The following CSMD3 variants were observed in gnomAD, a reference collection of about 807,000 sequenced individuals.
CSMD3 encodes the protein CUB and sushi domain-containing protein 3.
In CSMD3, 177 loss-of-function variants were observed where a neutral mutation model predicts 435.2. The observed-to-expected ratio is 0.41, with a 90% CI of 0.36 to 0.46. The LOEUF (loss-of-function observed/expected upper bound fraction) is 0.46, where lower values mean the gene tolerates loss of function less well. Ranked by LOEUF, CSMD3 falls within the 20% of genes least tolerant of loss-of-function variation. The pLI, the probability that CSMD3 is intolerant of heterozygous loss-of-function variation, is 0.34. For missense variants in CSMD3, 4,265 were observed against 4,504.6 expected, an observed-to-expected ratio of 0.95 and a Z score of 1.52; for synonymous variants, 1,656 against 1,520.5, an observed-to-expected ratio of 1.09 and a Z score of -2.07.
chr8:113,434,258 G>C (rs2094692046), intron 1 of CSMD3, among the ~76,000 whole-genome samples: 1 of 152,162 alleles, frequency 6.6e-6, no homozygotes, highest in Non-Finnish European at 1.5e-5. Context: ...CGCTAGTCTA[G>C]ATTAGAACCT....
At chr8:113,263,208 T>C (rs2093441077) in intron 3 of CSMD3, among the ~76,000 whole-genome samples, 1 of 151,990 alleles carries the variant, frequency 6.6e-6, no homozygotes, top group Non-Finnish European at 1.5e-5. Flanking sequence ...GAACCAAAAA[T>C]ATTGATAAGT....
intron 16 of CSMD3, among the ~76,000 whole-genome samples, chr8:112,669,906 G>A (rs2075616876): frequency 6.6e-6 from 1 of 152,072 alleles, no homozygotes; most frequent in Admixed American, 6.6e-5. Context: ...ATTTGCATCT[G>A]AACTGTCAAG....
intron 64 of CSMD3, among the ~76,000 whole-genome samples, chr8:112,245,951 G>A (rs1814685951): frequency 6.6e-6 from 1 of 152,108 alleles, no homozygotes. Flanking sequence ...CTATGTTATG[G>A]ACACATTAGA....
chr8:113,425,085 A>G (rs1436416138), intron 1 of CSMD3, among the ~76,000 whole-genome samples: 2 of 151,544 alleles, frequency 1.3e-5, no homozygotes, highest in Non-Finnish European at 3.0e-5. Context: ...ACTGGTTCTC[A>G]ATAAATAATT....
At chr8:112,270,351 T>TGTGTGTGA (rs1299306311) in intron 59 of CSMD3, among the ~76,000 whole-genome samples, 2 of 58,396 alleles carry the variant, frequency 3.4e-5, no homozygotes, top group Non-Finnish European at 5.9e-5. Flanking sequence ...TGAGTGTGTG[T>TGTGTGTGA]GTGTGTGTGT....
chr8:112,320,995 T>A (rs931169743), intron 45 of CSMD3, among the ~76,000 whole-genome samples: 3 of 152,288 alleles, frequency 2.0e-5, no homozygotes, highest in African/African-American at 7.2e-5. Context: ...ACAAAGTCTC[T>A]ATGAATCCAA....
intron 4 of CSMD3, among the ~76,000 whole-genome samples, chr8:113,139,366 T>C (rs1464926095): frequency 1.3e-5 from 2 of 151,028 alleles, no homozygotes; most frequent in African/African-American, 2.4e-5. Flanking sequence ...TGTAAATATA[T>C]GTACAGAAGA....
chr8:112,506,759 C>G lies in CSMD3; in HGVS notation c.4827G>C (p.Pro1609=), dbSNP rs759561978. The change falls in exon 29 of 71, where the codon CCG becomes CCC. Residue 1609 remains proline (P), a synonymous_variant. Coordinates refer to ENST00000297405, the MANE Select transcript of CSMD3 (RefSeq NM_198123.2). ...ILSPNFPHPY[P]HSRDCDWTIT... is the part of the protein sequence containing the mutation. ...TAGTCCAGTCACAGTCTCTGCTATGCGGATATGGATGAGGGAAGTTTGGTG... is the reference window on the plus strand; with the variant it reads ...TAGTCCAGTCACAGTCTCTGCTATGGGGATATGGATGAGGGAAGTTTGGTG... The G allele has an allele frequency of 6.8e-6, 11 of 1,612,978 alleles. No individual in the cohort carries two copies. Among genetic ancestry groups the G allele is most frequent in the East Asian group, 2.2e-5 (1 of 44,850 alleles).
intron 10 of CSMD3, among the ~76,000 whole-genome samples, chr8:112,881,281 G>C (rs550815996): frequency 2.6e-4 from 39 of 152,042 alleles, no homozygotes; most frequent in African/African-American, 6.3e-4. Context: ...AACATTTTGA[G>C]GAGTCATATT....
chr8:112,675,400 CATCTA>C (rs2131745635), intron 16 of CSMD3, among the ~76,000 whole-genome samples: 1 of 152,180 alleles, frequency 6.6e-6, no homozygotes, highest in Non-Finnish European at 1.5e-5. Context: ...GAATGTATTA[CATCTA>C]ATCATATTCA....
chr8:113,056,137 C>T (rs1485762556), intron 5 of CSMD3, among the ~76,000 whole-genome samples: 2 of 152,188 alleles, frequency 1.3e-5, no homozygotes, highest in African/African-American at 2.4e-5. Context: ...TGCACCCCCA[C>T]TCTGATGATT....
chr8:112,764,533 A>T (rs2077926938), intron 13 of CSMD3, among the ~76,000 whole-genome samples: 1 of 151,518 alleles, frequency 6.6e-6, no homozygotes, highest in Non-Finnish European at 1.5e-5. Flanking sequence ...TTTAGGCTCA[A>T]TGGTAAACTT....
intron 20 of CSMD3, among the ~76,000 whole-genome samples, chr8:112,639,124 C>G (rs1421940269): frequency 2.0e-5 from 3 of 151,728 alleles, no homozygotes; most frequent in Non-Finnish European, 4.4e-5. Context: ...TGAGTCATGT[C>G]TTGGAAACTG....
At chr8:113,402,151 G>A (rs10107745) in intron 1 of CSMD3, among the ~76,000 whole-genome samples, 1,968 of 151,190 alleles carry the variant, frequency 0.013, 46 homozygotes, top group African/African-American at 0.046. Flanking sequence ...CATCTTTTGA[G>A]TCACTATCTT....
chr8:112,372,857 G>GA (rs1318046238), intron 38 of CSMD3, among the ~76,000 whole-genome samples: 40 of 142,698 alleles, frequency 2.8e-4, no homozygotes, highest in Admixed American at 2.8e-4. Context: ...TCCAAAAATA[G>GA]AAAAAAAAAG....
In CSMD3 at chr8:113,314,645, T is replaced by G; in HGVS notation, c.327A>C (p.Ser109=). Residue 109 remains serine (S), a synonymous_variant, in exon 2 of 71, where the codon TCA becomes TCC. Transcript: ENST00000297405. ...ERNRIQIVFQ[S]FALEEEYDYL... is the part of the protein sequence containing the mutation. ...AGTCGTATTCTTCTTCTAGAGCAAA[T>G]GACTGAAAAACAATTTGTATTCTAT... The G allele has an allele frequency of 6.2e-7, 1 of 1,611,262 alleles. No homozygotes were observed. Among genetic ancestry groups the G allele is most frequent in the Non-Finnish European group, 8.5e-7 (1 of 1,177,646 alleles).
intron 27 of CSMD3, among the ~76,000 whole-genome samples, chr8:112,520,829 C>T (rs113654542): frequency 6.6e-6 from 1 of 151,840 alleles, no homozygotes; most frequent in Admixed American, 6.6e-5. Context: ...CTTCTCATCC[C>T]TTATTTTGTT....
intron 61 of CSMD3, among the ~76,000 whole-genome samples, chr8:112,257,881 T>C (rs1175188923): frequency 6.6e-6 from 1 of 152,104 alleles, no homozygotes; most frequent in East Asian, 1.9e-4. Flanking sequence ...CTTCAAACTA[T>C]ACTACAAGGC....
intron 13 of CSMD3, among the ~76,000 whole-genome samples, chr8:112,714,944 T>G (rs1293413843): frequency 6.6e-6 from 1 of 152,126 alleles, no homozygotes; most frequent in Non-Finnish European, 1.5e-5. Context: ...TGGAAATTTA[T>G]AACACTAAAT....
Sources: gnomAD v4.1 joint callset for allele counts (sites outside exome capture counted in the v4.1 genomes callset) on GRCh38, gnomAD v4.1.1 for gene constraint, MANE v1.5 for transcripts, NCBI Gene and HGNC (gene_info 2026-07-23, HGNC 2026-07-21) for gene names.